BMPER: variants seen among roughly 807,000 people sequenced by gnomAD.
The protein encoded by BMPER is BMP-binding endothelial regulator protein.
In BMPER, 45 loss-of-function variants were observed where a neutral mutation model predicts 87.3. The observed-to-expected ratio is 0.52, with a 90% CI of 0.41 to 0.66. The LOEUF (loss-of-function observed/expected upper bound fraction) is 0.66. Ranked by LOEUF, BMPER falls within the 30% of genes least tolerant of loss-of-function variation. The pLI, the probability that BMPER is intolerant of heterozygous loss-of-function variation, is 0.00. For synonymous variants in BMPER, 326 were observed against 316.2 expected, an observed-to-expected ratio of 1.03 and a Z score of -0.33; for missense variants, 784 against 867.5, an observed-to-expected ratio of 0.90 and a Z score of 1.21.
chr7:34,030,227 G>T (rs1039105685), intron 6 of BMPER, among the ~76,000 whole-genome samples: 1 of 152,074 alleles, frequency 6.6e-6, no homozygotes, highest in Non-Finnish European at 1.5e-5. Context: ...ACTAATAATT[G>T]TCAGCAAGAA....
At chr7:34,020,204 G>A (rs1274912613) in intron 6 of BMPER, among the ~76,000 whole-genome samples, 1 of 151,912 alleles carries the variant, frequency 6.6e-6, no homozygotes, top group Non-Finnish European at 1.5e-5. Flanking sequence ...AGGAGCCACT[G>A]AAAGATTTAA....
intron 10 of BMPER, among the ~76,000 whole-genome samples, chr7:34,058,965 T>A (rs1186134892): frequency 6.7e-6 from 1 of 149,574 alleles, no homozygotes; most frequent in Non-Finnish European, 1.5e-5. Flanking sequence ...GACTGCCAAA[T>A]GAGGCACAAA....
chr7:34,089,729 C>T (rs759283545), intron 13 of BMPER, among the ~76,000 whole-genome samples: 2 of 152,156 alleles, frequency 1.3e-5, no homozygotes, highest in South Asian at 4.1e-4. Flanking sequence ...GGTGATCTGC[C>T]TGCCTCAGCC....
intron 6 of BMPER, among the ~76,000 whole-genome samples, chr7:34,011,926 G>A (rs936764966): frequency 6.6e-6 from 1 of 151,804 alleles, no homozygotes; most frequent in East Asian, 1.9e-4. Flanking sequence ...GCATTTAATT[G>A]AAAAGAAAAA....
chr7:34,102,221 T>C (rs769837794), intron 13 of BMPER, among the ~76,000 whole-genome samples: 4 of 152,114 alleles, frequency 2.6e-5, no homozygotes, highest in Non-Finnish European at 4.4e-5. Context: ...CAGTTCCTCA[T>C]GGTTATAGCT....
intron 6 of BMPER, among the ~76,000 whole-genome samples, chr7:33,994,638 G>A (rs1421020411): frequency 6.6e-6 from 1 of 152,038 alleles, no homozygotes; most frequent in African/African-American, 2.4e-5. Flanking sequence ...GCCATCTTGT[G>A]TTTGGTATTT....
At chr7:34,023,898 G>A (rs532317630) in intron 6 of BMPER, among the ~76,000 whole-genome samples, 1 of 151,920 alleles carries the variant, frequency 6.6e-6, no homozygotes, top group South Asian at 2.1e-4. Context: ...GAGAATTTAA[G>A]ATGTAAAAGA....
intron 11 of BMPER, among the ~76,000 whole-genome samples, chr7:34,077,724 G>A (rs149595540): frequency 5.1e-4 from 78 of 152,252 alleles, no homozygotes; most frequent in African/African-American, 1.8e-3. Context: ...AAAAGCAAAT[G>A]TTTCCATTGG....
intron 13 of BMPER, among the ~76,000 whole-genome samples, chr7:34,102,102 T>C (rs183828290): frequency 6.6e-6 from 1 of 151,908 alleles, no homozygotes; most frequent in East Asian, 2.0e-4. Context: ...ACACATGACT[T>C]GATTCAAGGT....
At chr7:34,100,551 C>T (rs1426459719) in intron 13 of BMPER, among the ~76,000 whole-genome samples, 1 of 152,216 alleles carries the variant, frequency 6.6e-6, no homozygotes, top group Non-Finnish European at 1.5e-5. Context: ...CTGTGCTGTA[C>T]TCTTCCAGCA....
chr7:34,015,109 A>G (rs1228531218), intron 6 of BMPER, among the ~76,000 whole-genome samples: 1 of 151,964 alleles, frequency 6.6e-6, no homozygotes, highest in Non-Finnish European at 1.5e-5. Context: ...GTGGATTGAA[A>G]TTCTTCTAGA....
chr7:34,147,345 A>G lies in BMPER; in HGVS notation c.1876+3985A>G, dbSNP rs544664495. Among the ~76,000 whole-genome samples, 3 of 152,368 alleles carry G rather than the reference A, an allele frequency of 2.0e-5. No homozygotes were observed. In the South Asian group the frequency reaches 6.2e-4, roughly 32 times the overall value. ...GTTGAGTTCCAGAAGGCACATTGCC[A>G]TGCTGATTGAATGTATTGATAAAGC... On this transcript the variant is annotated intron_variant, in intron 14 of 14. Coordinates refer to ENST00000649409, the MANE Select transcript of BMPER (RefSeq NM_001365308.1).
At chr7:33,913,633 G>A (rs1784015823) in intron 2 of BMPER, among the ~76,000 whole-genome samples, 1 of 152,050 alleles carries the variant, frequency 6.6e-6, no homozygotes, top group Admixed American at 6.6e-5. Flanking sequence ...GAATACCAAA[G>A]GTATTGAAAA....
chr7:33,968,697 G>A, intron 4 of BMPER, among the ~76,000 whole-genome samples: 1 of 152,188 alleles, frequency 6.6e-6, no homozygotes, highest in East Asian at 1.9e-4. Flanking sequence ...GTACAACAAG[G>A]TCTCAGACAG....
chr7:34,083,289 AGCCTGT>A (rs1789104186), intron 12 of BMPER, among the ~76,000 whole-genome samples: 1 of 152,230 alleles, frequency 6.6e-6, no homozygotes, highest in African/African-American at 2.4e-5. Context: ...AGGTCAGCCC[AGCCTGT>A]GGGTTTCCAG....
rs56214614 is a variant in BMPER, at chr7:34,039,603, T to TACACACACACACACAC, written c.577-6678_577-6663dup. ...TAATCTAGTGGGTAAGACACACAAA[T>TACACACACACACACAC]ACACACACACACACACACACACACA... is the stretch of plus-strand genomic sequence containing the variant. On this transcript the variant is annotated intron_variant, in intron 6 of 14. Coordinates refer to ENST00000649409, the MANE Select transcript of BMPER (RefSeq NM_001365308.1). 4.9e-5 allele frequency among the ~76,000 whole-genome samples: 7 copies of TACACACACACACACAC among 142,688 alleles called. No homozygotes were observed. The East Asian group carries it at 8.5e-4, about 17-fold the overall frequency. The allele number at this position is 142,688 out of a possible 152,430, so 93.6% of individuals were successfully genotyped here. A position where few individuals can be genotyped will look rare whatever the true frequency, so the allele number is the denominator to read the frequency against.
chr7:34,094,516 A>G (rs1053706692), intron 13 of BMPER, among the ~76,000 whole-genome samples: 8 of 152,236 alleles, frequency 5.3e-5, no homozygotes, highest in Admixed American at 2.6e-4. Flanking sequence ...GGACAGGGCA[A>G]GGCCTGTTTG....
At chr7:34,084,150 G>A (rs57439234) in intron 12 of BMPER, among the ~76,000 whole-genome samples, 12,185 of 152,018 alleles carry the variant, frequency 0.08, 1,617 homozygotes, top group African/African-American at 0.28. Flanking sequence ...AAATACAAAA[G>A]ATTAGCTGAA....
At chr7:34,124,838 G>GT (rs1395198983) in intron 13 of BMPER, among the ~76,000 whole-genome samples, 1 of 151,948 alleles carries the variant, frequency 6.6e-6, no homozygotes, top group Non-Finnish European at 1.5e-5. Context: ...TTTTGCTTTA[G>GT]TTTTAACATG....
Sources: allele counts gnomAD v4.1 joint callset (sites outside exome capture counted in the v4.1 genomes callset), GRCh38; gene constraint gnomAD v4.1.1; transcripts MANE v1.5; gene names NCBI Gene and HGNC (gene_info 2026-07-23, HGNC 2026-07-21).